Variants in STK39 observed in about 807,000 individuals in gnomAD.
The protein encoded by STK39 is serine/threonine kinase 39.
Under a neutral mutation model 77.8 loss-of-function variants are expected in STK39, and 20 were observed. The ratio of observed to expected loss-of-function variants is 0.26; its 90% CI spans 0.18 to 0.37. The LOEUF (loss-of-function observed/expected upper bound fraction) is 0.37. Ranked by LOEUF, STK39 falls within the 10% of genes least tolerant of loss-of-function variation. The pLI, the probability that STK39 is intolerant of heterozygous loss-of-function variation, is 1.00. For missense variants in STK39, 479 were observed against 656.5 expected (o/e 0.73, Z 2.95); for synonymous variants, 246 against 234.1 (o/e 1.05, Z -0.47).
intron 10 of STK39, among the ~76,000 whole-genome samples, chr2:168,112,660 C>T (rs1381589428): frequency 6.6e-6 from 1 of 152,022 alleles, no homozygotes; most frequent in African/African-American, 2.4e-5. Context: ...TAATACAACC[C>T]CTATATTCAA....
At chr2:168,193,604 A>G (rs1288132922) in intron 1 of STK39, among the ~76,000 whole-genome samples, 1 of 152,236 alleles carries the variant, frequency 6.6e-6, no homozygotes, top group Admixed American at 6.5e-5. Context: ...AAGTGAGGCC[A>G]CCTGCAGATC....
chr2:168,109,115 C>T (rs1298482445), intron 10 of STK39, among the ~76,000 whole-genome samples: 4 of 151,970 alleles, frequency 2.6e-5, no homozygotes, highest in Non-Finnish European at 5.9e-5. Context: ...CATGTTGTTG[C>T]GATGTAATAT....
At chr2:168,106,749 G>A (rs531680793) in intron 10 of STK39, among the ~76,000 whole-genome samples, 1 of 152,250 alleles carries the variant, frequency 6.6e-6, no homozygotes, top group Admixed American at 6.5e-5. Flanking sequence ...TTGAGCCCAG[G>A]AAGTCAAGGC....
intron 14 of STK39, among the ~76,000 whole-genome samples, chr2:168,028,240 C>G (rs768741652): frequency 6.6e-6 from 1 of 152,116 alleles, no homozygotes; most frequent in East Asian, 1.9e-4. Flanking sequence ...CATGTGCCTA[C>G]CATCCAGAAT....
intron 10 of STK39, among the ~76,000 whole-genome samples, chr2:168,103,416 C>G (rs1000261230): frequency 6.6e-6 from 1 of 152,180 alleles, no homozygotes; most frequent in African/African-American, 2.4e-5. Flanking sequence ...GCTGCGGACC[C>G]TTTCATTAGA....
At chr2:168,007,707 G>T (rs1472111954) in intron 16 of STK39, among the ~76,000 whole-genome samples, 1 of 152,038 alleles carries the variant, frequency 6.6e-6, no homozygotes, top group Admixed American at 6.6e-5. Flanking sequence ...TGGAAGAAGA[G>T]CAAGTTCAAC....
At chr2:167,970,018 C>A (rs1692285856) in intron 16 of STK39, among the ~76,000 whole-genome samples, 1 of 152,310 alleles carries the variant, frequency 6.6e-6, no homozygotes, top group East Asian at 1.9e-4. Context: ...GCATTCAGGG[C>A]AGGGGCTTGC....
chr2:168,043,202 A>C (rs532079347), intron 14 of STK39, among the ~76,000 whole-genome samples: 124 of 152,304 alleles, frequency 8.1e-4, no homozygotes, highest in Non-Finnish European at 1.5e-3. Context: ...TTTATCATTT[A>C]ACTTGGTTTA....
intron 16 of STK39, 46 bp downstream of exon 16, chr2:168,012,587 AT>A: frequency 1.3e-6 from 2 of 1,534,542 alleles, no homozygotes; most frequent in Non-Finnish European, 1.8e-6. Context: ...ACACATTTCC[AT>A]TTTATATACC....
At chr2:168,206,463 G>A (rs1046231970) in intron 1 of STK39, among the ~76,000 whole-genome samples, 2 of 152,024 alleles carry the variant, frequency 1.3e-5, no homozygotes, top group Admixed American at 1.3e-4. Context: ...ACCACACCCA[G>A]CTAATTTTCG....
intron 1 of STK39, among the ~76,000 whole-genome samples, chr2:168,236,394 T>G (rs1690610535): frequency 3.3e-5 from 5 of 152,224 alleles, no homozygotes; most frequent in African/African-American, 4.8e-5. Context: ...TCTCCCATTC[T>G]GTAGGTTGCC....
rs1040826867 is a variant in STK39, at chr2:167,954,566, T to C, written c.*930A>G. On this transcript the variant is annotated 3_prime_UTR_variant, in exon 18 of 18. Coordinates refer to ENST00000355999, the MANE Select transcript of STK39 (RefSeq NM_013233.3). ...AGAGATGGGTATATAGTTAGCAATC[T>C]AACAGAATGGCAACATTTTACATAG... 6.6e-6 allele frequency: 1 copy of C among 152,652 alleles called. No homozygotes were observed. Among genetic ancestry groups the C allele is most frequent in the Non-Finnish European group, 1.5e-5 (1 of 68,050 alleles). The allele number at this position is 152,652 out of a possible 1,614,324, so 9.5% of individuals were successfully genotyped here. A position where few individuals can be genotyped will look rare whatever the true frequency, so the allele number is the denominator to read the frequency against.
At chr2:168,123,828 C>A (rs1326546887) in intron 10 of STK39, among the ~76,000 whole-genome samples, 4 of 142,614 alleles carry the variant, frequency 2.8e-5, no homozygotes, top group African/African-American at 1.0e-4. Context: ...GAGATCACGC[C>A]ATTGCACTTC....
chr2:168,098,414 T>C (rs1025771234), intron 10 of STK39, among the ~76,000 whole-genome samples: 2 of 152,174 alleles, frequency 1.3e-5, no homozygotes, highest in African/African-American at 4.8e-5. Flanking sequence ...GCCAGCTTCT[T>C]ACAGCAACAA....
At chr2:168,097,259 T>A (rs1686695313) in intron 10 of STK39, among the ~76,000 whole-genome samples, 1 of 152,378 alleles carries the variant, frequency 6.6e-6, no homozygotes, top group East Asian at 1.9e-4. Context: ...AAATGCACAG[T>A]TGACTGTATT....
chr2:167,967,441 AT>A (rs576380007), intron 16 of STK39, among the ~76,000 whole-genome samples: 3 of 151,624 alleles, frequency 2.0e-5, no homozygotes, highest in Non-Finnish European at 4.4e-5. Flanking sequence ...TGAACAGTTA[AT>A]TTTTTTTCTA....
At position 168,056,838 on chromosome 2, in the gene STK39, C is replaced by T. The variant is rs567533980; in HGVS notation, c.1376+6662G>A. The stretch of plus-strand genomic sequence containing the variant: ...ACACCAGCCAAAAGCAGCCTTCCAG[C>T]TCCCTATCACACAGGATGGTTTAGA... On this transcript the variant is annotated intron_variant, in intron 14 of 17. Coordinates refer to ENST00000355999, the MANE Select transcript of STK39 (RefSeq NM_013233.3). Among the ~76,000 whole-genome samples, 8 of 152,320 alleles carry T rather than the reference C, an allele frequency of 5.3e-5. No homozygotes were observed. The East Asian group carries it at 1.2e-3, about 22-fold the overall frequency.
intron 14 of STK39, among the ~76,000 whole-genome samples, chr2:168,040,533 A>G (rs1006417992): frequency 6.6e-6 from 1 of 152,212 alleles, no homozygotes; most frequent in South Asian, 2.1e-4. Context: ...GGAATTCCCT[A>G]CTGGAGAAAA....
chr2:168,063,763 T>C lies in STK39; in HGVS notation c.1306-193A>G, dbSNP rs75347978. Among the ~76,000 whole-genome samples, 78 of 152,330 alleles carry C rather than the reference T, an allele frequency of 5.1e-4. No homozygotes were observed. In the East Asian group the frequency reaches 0.014, roughly 26 times the overall value. On this transcript the variant is annotated intron_variant, in intron 13 of 17. Coordinates refer to ENST00000355999, the MANE Select transcript of STK39 (RefSeq NM_013233.3). ...TAATGGTGCCTAATTCCCATCACAA[T>C]TGTGGATATGAATGTTTCATATGGA...
Sources: gnomAD v4.1 joint callset for allele counts (sites outside exome capture counted in the v4.1 genomes callset) on GRCh38, gnomAD v4.1.1 for gene constraint, MANE v1.5 for transcripts, NCBI Gene and HGNC (gene_info 2026-07-23, HGNC 2026-07-21) for gene names.